The following MALRD1 variants were observed in gnomAD, a reference collection of about 807,000 sequenced individuals.
MALRD1 encodes the protein MAM and LDL receptor class A domain containing 1, also known as MAM and LDL-receptor class A domain-containing protein 1.
Under a neutral mutation model 242.1 loss-of-function variants are expected in MALRD1, and 247 were observed. The ratio of observed to expected loss-of-function variants is 1.02; its 90% confidence interval spans 0.92 to 1.13. The LOEUF is 1.13. MALRD1 is among the 50% of genes most tolerant of loss of function. MALRD1 has a pLI of 0.00. For synonymous variants in MALRD1, 995 were observed against 866.6 expected (o/e 1.15, Z -2.60); for missense variants, 2,989 against 2,533.1 (o/e 1.18, Z -3.86).
chr10:19,699,288 A>AAAGGAGGGAAAGGAGGGAAAGGAGGGG, intron 38 of MALRD1, among the ~76,000 whole-genome samples: 1 of 144,842 alleles, frequency 6.9e-6, no homozygotes, highest in African/African-American at 2.8e-5. Context: ...GAAAGGAGGG[A>AAAGGAGGGAAAGGAGGGAAAGGAGGGG]AAGGAGGGAA....
intron 1 of MALRD1, among the ~76,000 whole-genome samples, chr10:19,051,270 A>G (rs1482463409): frequency 6.7e-6 from 1 of 150,014 alleles, no homozygotes; most frequent in Non-Finnish European, 1.5e-5. Context: ...CTAGCTTTAT[A>G]AGGATTTACA....
intron 26 of MALRD1, among the ~76,000 whole-genome samples, chr10:19,368,193 T>C (rs1321074762): frequency 6.6e-6 from 1 of 152,090 alleles, no homozygotes; most frequent in Non-Finnish European, 1.5e-5. Flanking sequence ...ATGAATTGAG[T>C]TCCCAGCCAA....
At position 19,325,975 on chromosome 10, in the gene MALRD1, A is replaced by G. The variant is rs368786748; in HGVS notation, c.3577-1588A>G. Reference sequence around the variant, plus strand: ...CCTGGCTATTGTTATTCATTTTTCTAAAGAAACTTGAGATAAACATAGTTT... The same window carrying G: ...CCTGGCTATTGTTATTCATTTTTCTGAAGAAACTTGAGATAAACATAGTTT... On this transcript the variant is annotated intron_variant, in intron 22 of 39. Coordinates refer to ENST00000454679, the MANE Select transcript of MALRD1 (RefSeq NM_001142308.3). Among the ~76,000 whole-genome samples, 194 of 152,206 alleles carry G rather than the reference A, an allele frequency of 1.3e-3. 1 individual carries two copies. Among genetic ancestry groups the G allele is most frequent in the South Asian group, 3.1e-3 (15 of 4,824 alleles).
chr10:19,416,460 C>T (rs955251442), intron 28 of MALRD1, among the ~76,000 whole-genome samples: 4 of 152,074 alleles, frequency 2.6e-5, no homozygotes, highest in African/African-American at 9.7e-5. Flanking sequence ...TAACAACTAG[C>T]AGCTTAATCT....
At chr10:19,320,484 G>T (rs567534666) in intron 21 of MALRD1, among the ~76,000 whole-genome samples, 1 of 152,134 alleles carries the variant, frequency 6.6e-6, no homozygotes, top group South Asian at 2.1e-4. Flanking sequence ...TGGGAATTTG[G>T]GTTGGTTCCA....
chr10:19,233,436 G>C (rs941043194), intron 18 of MALRD1, among the ~76,000 whole-genome samples: 1 of 151,962 alleles, frequency 6.6e-6, no homozygotes, highest in Admixed American at 6.6e-5. Flanking sequence ...TGGGAGGTGG[G>C]GGTTACAGTG....
At chr10:19,358,432 C>A (rs568012045) in intron 26 of MALRD1, among the ~76,000 whole-genome samples, 1 of 152,208 alleles carries the variant, frequency 6.6e-6, no homozygotes, top group East Asian at 1.9e-4. Flanking sequence ...GCTGGTGTAG[C>A]AACTCAGTCA....
intron 26 of MALRD1, among the ~76,000 whole-genome samples, chr10:19,379,274 T>A (rs1221152274): frequency 6.6e-6 from 1 of 152,144 alleles, no homozygotes; most frequent in Admixed American, 6.5e-5. Context: ...CTGCTGTTTT[T>A]CACAATTGTT....
At chr10:19,177,088 C>T (rs1283439323) in intron 14 of MALRD1, among the ~76,000 whole-genome samples, 1 of 151,770 alleles carries the variant, frequency 6.6e-6, no homozygotes, top group African/African-American at 2.4e-5. Context: ...ACCTGCCTGG[C>T]CAACATGGTG....
chr10:19,121,597 A>AC (rs1837067418), intron 5 of MALRD1, among the ~76,000 whole-genome samples: 1 of 144,654 alleles, frequency 6.9e-6, no homozygotes, highest in Non-Finnish European at 1.5e-5. Flanking sequence ...TTGTAGAGAA[A>AC]GAGAACACAT....
chr10:19,226,435 C>A (rs1286963673), intron 18 of MALRD1, among the ~76,000 whole-genome samples: 5 of 152,040 alleles, frequency 3.3e-5, no homozygotes, highest in African/African-American at 7.2e-5. Flanking sequence ...CAATGATGTC[C>A]TCTCTCCCTA....
At chr10:19,594,433 C>G (rs1024970422) in intron 33 of MALRD1, among the ~76,000 whole-genome samples, 4 of 151,984 alleles carry the variant, frequency 2.6e-5, no homozygotes, top group Admixed American at 1.3e-4. Context: ...TATGGAGATG[C>G]CTTAAAGAAC....
In MALRD1 at chr10:19,664,947, G is replaced by A. The variant is rs1046664638; in HGVS notation, c.6138-27335G>A. On this transcript the variant is annotated intron_variant, in intron 36 of 39. Coordinates refer to ENST00000454679, the MANE Select transcript of MALRD1 (RefSeq NM_001142308.3). ...TCAAAAATTTAGGTTTAAACCAAAG[G>A]CCAATTACCTTGAATCTTAGCAGAT... Among the ~76,000 whole-genome samples the A allele has an allele frequency of 2.6e-5, 4 of 151,920 alleles. No homozygotes were observed. The South Asian group carries it at 8.3e-4, about 32-fold the overall frequency.
At position 19,100,907 on chromosome 10, in the gene MALRD1, C is replaced by T. The variant is rs189243132; in HGVS notation, c.598-3072C>T. Among the ~76,000 whole-genome samples the T allele has an allele frequency of 5.5e-3, 836 of 152,088 alleles. 11 individuals are homozygous for T. The highest frequency in any genetic ancestry group is 0.019 in the African/African-American group (807 of 41,522). On this transcript the variant is annotated intron_variant, in intron 4 of 39. Coordinates refer to ENST00000454679, the MANE Select transcript of MALRD1 (RefSeq NM_001142308.3). ...TGCAGGCGTATCCTTAACTCAGCAA[C>T]AGCTAGGGACTATCTCTATGAAAAA...
At chr10:19,176,790 G>T (rs1255702853) in intron 14 of MALRD1, among the ~76,000 whole-genome samples, 2 of 151,898 alleles carry the variant, frequency 1.3e-5, no homozygotes, top group African/African-American at 4.8e-5. Flanking sequence ...GTGTGTGTGT[G>T]TGCATGTGTG....
At chr10:19,695,156 G>T (rs922417258) in intron 38 of MALRD1, among the ~76,000 whole-genome samples, 27 of 151,954 alleles carry the variant, frequency 1.8e-4, no homozygotes, top group Non-Finnish European at 1.0e-4. Context: ...CACCAACATG[G>T]TGCATGTATA....
intron 14 of MALRD1, among the ~76,000 whole-genome samples, chr10:19,186,560 T>G (rs944978640): frequency 5.9e-5 from 9 of 152,218 alleles, no homozygotes; most frequent in African/African-American, 2.2e-4. Flanking sequence ...CGTTGAAAAT[T>G]CTATTGAGAA....
intron 28 of MALRD1, among the ~76,000 whole-genome samples, chr10:19,402,275 C>T (rs1007401499): frequency 7.9e-5 from 12 of 152,162 alleles, no homozygotes; most frequent in African/African-American, 2.9e-4. Context: ...CGTAGCAAGA[C>T]CCCATGATAT....
rs532599634 is a variant in MALRD1, at chr10:19,334,181, C to T, written c.3901+2599C>T. Among the ~76,000 whole-genome samples the T allele has an allele frequency of 2.7e-5, 3 of 112,494 alleles. 1 individual carries two copies. The East Asian group carries it at 8.6e-4, about 32-fold the overall frequency. The allele number at this position is 112,494 out of a possible 152,430, so 73.8% of individuals were successfully genotyped here. On this transcript the variant is annotated intron_variant, in intron 24 of 39. Coordinates refer to ENST00000454679, the MANE Select transcript of MALRD1 (RefSeq NM_001142308.3). ...TTTAGTTTAATTAGGTCCCACTTCT[C>T]AAGTTTTGGTTTCATTTCAATTGCT...
Sources: gnomAD v4.1 joint callset for allele counts (sites outside exome capture counted in the v4.1 genomes callset) on GRCh38, gnomAD v4.1.1 for gene constraint, MANE v1.5 for transcripts, NCBI Gene and HGNC (gene_info 2026-07-23, HGNC 2026-07-21) for gene names.